CAP2: variants seen among roughly 807,000 people sequenced by gnomAD.
CAP2 encodes the protein adenylyl cyclase-associated protein 2.
CAP2 carries 24 observed loss-of-function variants against 57.7 expected under a neutral mutation model. That is an observed-to-expected ratio of 0.42 (90% CI 0.30 to 0.58). The LOEUF is 0.58. Ranked by LOEUF, CAP2 falls within the 20% of genes least tolerant of loss-of-function variation. The probability of loss-of-function intolerance (pLI) is 0.22; values close to 1 mark genes in which losing one functional copy is unlikely to be tolerated. For synonymous variants in CAP2, 194 were observed against 207.2 expected, an observed-to-expected ratio of 0.94 and a Z score of 0.55; for missense variants, 501 against 590.3, an observed-to-expected ratio of 0.85 and a Z score of 1.57.
intron 4 of CAP2, among the ~76,000 whole-genome samples, chr6:17,491,345 T>C (rs531267193): frequency 1.1e-4 from 16 of 152,232 alleles, no homozygotes; most frequent in Non-Finnish European, 1.5e-4. Flanking sequence ...GTGGGCACCA[T>C]GTTCTCAGTT....
chr6:17,521,628 C>T (rs1394721816), intron 7 of CAP2, among the ~76,000 whole-genome samples: 1 of 152,054 alleles, frequency 6.6e-6, no homozygotes, highest in East Asian at 1.9e-4. Context: ...GATTCCTGTC[C>T]ACGGAAACGC....
chr6:17,442,772 C>G (rs901693648), intron 3 of CAP2, among the ~76,000 whole-genome samples: 12 of 151,062 alleles, frequency 7.9e-5, no homozygotes, highest in African/African-American at 2.7e-4. Flanking sequence ...GGCTGGAGTG[C>G]AGTGGCAGCA....
At chr6:17,483,642 T>C (rs902412585) in intron 4 of CAP2, among the ~76,000 whole-genome samples, 3 of 152,156 alleles carry the variant, frequency 2.0e-5, no homozygotes, top group African/African-American at 4.8e-5. Context: ...AAGACGGGAA[T>C]GCAAACCCTC....
intron 3 of CAP2, among the ~76,000 whole-genome samples, chr6:17,444,242 T>A (rs1760180329): frequency 6.6e-6 from 1 of 152,182 alleles, no homozygotes; most frequent in African/African-American, 2.4e-5. Context: ...AACAAGTATT[T>A]AAATGGATGA....
At chr6:17,545,435 G>A (rs1302902408) in intron 11 of CAP2, among the ~76,000 whole-genome samples, 3 of 151,784 alleles carry the variant, frequency 2.0e-5, no homozygotes, top group Admixed American at 2.0e-4. Flanking sequence ...TTTTTGGAGG[G>A]AGAAAAAAAT....
At chr6:17,451,819 C>G (rs187452145) in intron 3 of CAP2, among the ~76,000 whole-genome samples, 1 of 151,468 alleles carries the variant, frequency 6.6e-6, no homozygotes, top group Non-Finnish European at 1.5e-5. Context: ...CCAGAAAATA[C>G]TTTTTGATTA....
intron 4 of CAP2, among the ~76,000 whole-genome samples, chr6:17,478,192 T>C (rs1271811500): frequency 6.6e-6 from 1 of 151,366 alleles, no homozygotes; most frequent in East Asian, 1.9e-4. Flanking sequence ...TGGAGTGCAG[T>C]AGCGTGATCT....
At chr6:17,455,283 G>GA (rs59215413) in intron 3 of CAP2, among the ~76,000 whole-genome samples, 2,147 of 147,858 alleles carry the variant, frequency 0.015, 36 homozygotes, top group East Asian at 0.07. Context: ...TACTGGTAAG[G>GA]AAAAAAAAAA....
rs769276626 is a variant in CAP2, at chr6:17,426,625, A to C, written c.157A>C (p.Met53Leu). 6.2e-7 allele frequency: 1 copy of C among 1,614,040 alleles called. No individual in the cohort carries two copies. The highest frequency in any genetic ancestry group is 1.7e-5 in the Admixed American group (1 of 60,010). The change falls in exon 3 of 13, where the codon ATG becomes CTG. Residue 53 changes from methionine to leucine, a missense_variant. Transcript: ENST00000229922. ...APSVEAFDKL[M>L]DSMVAEFLKN... Reference sequence around the variant, plus strand: ...CTCCGTGGAAGCCTTTGACAAGCTGATGGACAGTATGGTGGCCGAGTTTTT... The same window carrying C: ...CTCCGTGGAAGCCTTTGACAAGCTGCTGGACAGTATGGTGGCCGAGTTTTT...
chr6:17,502,605 A>AAT (rs1449927231), intron 4 of CAP2, among the ~76,000 whole-genome samples: 1 of 152,162 alleles, frequency 6.6e-6, no homozygotes, highest in Admixed American at 6.5e-5. Context: ...TCAGATAACC[A>AAT]ATATAAAGTA....
chr6:17,480,952 A>ATTTT (rs59581120), intron 4 of CAP2, among the ~76,000 whole-genome samples: 14 of 70,728 alleles, frequency 2.0e-4, no homozygotes, highest in Non-Finnish European at 2.6e-4. Flanking sequence ...CTAATTTTGT[A>ATTTT]TTTTTTTTTT....
chr6:17,408,980 G>A (rs1037563669), intron 1 of CAP2, among the ~76,000 whole-genome samples: 9 of 151,286 alleles, frequency 5.9e-5, no homozygotes, highest in African/African-American at 2.2e-4. Flanking sequence ...TATGATGATA[G>A]CCTCTTATGC....
chr6:17,447,175 TA>T (rs5874607), intron 3 of CAP2, among the ~76,000 whole-genome samples: 76,533 of 133,392 alleles, frequency 0.57, 21,476 homozygotes, highest in East Asian at 0.86. Context: ...GGCAGCTAAT[TA>T]AAAAAAAAAA....
Position 17,507,621 on chromosome 6 carries a change from T to A in CAP2, c.445-20T>A. The A allele has an allele frequency of 6.8e-7, 1 of 1,460,658 alleles. No homozygotes were observed. 90.5% of individuals were successfully genotyped at this position (1,460,658 alleles called of 1,614,324 possible). A position where few individuals can be genotyped will look rare whatever the true frequency, so the allele number is the denominator to read the frequency against. ...ATTTTTTTTTCCTTCTATGCTTGGG[T>A]GACGGTCCTGTTTTCTCAGTCTCCC... On this transcript the variant is annotated intron_variant, in intron 5 of 12. Coordinates refer to ENST00000229922, the MANE Select transcript of CAP2 (RefSeq NM_006366.3).
At chr6:17,509,637 T>C (rs971105597) in intron 6 of CAP2, among the ~76,000 whole-genome samples, 2 of 151,852 alleles carry the variant, frequency 1.3e-5, no homozygotes, top group African/African-American at 2.4e-5. Flanking sequence ...ATTGTGCCAC[T>C]GCACTCCAGC....
intron 4 of CAP2, among the ~76,000 whole-genome samples, 159 bp downstream of exon 4, chr6:17,463,232 ATTC>A (rs1257351787): frequency 2.0e-5 from 3 of 151,594 alleles, no homozygotes; most frequent in Admixed American, 6.6e-5. Context: ...GTATAGAACA[ATTC>A]TTCTCTCTCC....
At chr6:17,482,378 G>A (rs556162173) in intron 4 of CAP2, among the ~76,000 whole-genome samples, 73 of 151,924 alleles carry the variant, frequency 4.8e-4, no homozygotes, top group Non-Finnish European at 1.0e-3. Context: ...GCATGGTGGC[G>A]TGCGCCTGTA....
chr6:17,516,844 C>T (rs539039375), intron 7 of CAP2, among the ~76,000 whole-genome samples: 10 of 152,180 alleles, frequency 6.6e-5, no homozygotes, highest in Non-Finnish European at 1.2e-4. Flanking sequence ...AATGTTAACA[C>T]GACCCTTCAA....
At chr6:17,394,624 A>G (rs1758624585) in intron 1 of CAP2, among the ~76,000 whole-genome samples, 2 of 152,226 alleles carry the variant, frequency 1.3e-5, no homozygotes, top group Non-Finnish European at 2.9e-5. Flanking sequence ...AGTTATGGAA[A>G]TGCAGAAGCT....
Sources: allele counts gnomAD v4.1 joint callset (sites outside exome capture counted in the v4.1 genomes callset), GRCh38; gene constraint gnomAD v4.1.1; transcripts MANE v1.5; gene names NCBI Gene and HGNC (gene_info 2026-07-23, HGNC 2026-07-21).